CDKL5: variants seen among roughly 807,000 people sequenced by gnomAD.
The protein encoded by CDKL5 is cyclin dependent kinase like 5.
CDKL5 carries 8 observed loss-of-function variants against 61.7 expected under a neutral mutation model. That is an observed-to-expected ratio of 0.13 (90% CI 0.08 to 0.23). CDKL5 has a LOEUF of 0.23. Ranked by LOEUF, CDKL5 falls within the 10% of genes least tolerant of loss-of-function variation. The pLI, the probability that CDKL5 is intolerant of heterozygous loss-of-function variation, is 1.00. For synonymous variants in CDKL5, 275 were observed against 272.3 expected, an observed-to-expected ratio of 1.01 and a Z score of -0.10; for missense variants, 440 against 734.5, an observed-to-expected ratio of 0.60 and a Z score of 4.63.
At chrX:18,444,962 C>T (rs1247970632) in intron 1 of CDKL5, among the ~76,000 whole-genome samples, 2 of 111,098 alleles carry the variant, frequency 1.8e-5, no homozygotes, top group Non-Finnish European at 3.8e-5. Context: ...TTCACTGCGT[C>T]TAGAGAGGTT....
At chrX:18,459,502 C>T (rs1283679173) in intron 1 of CDKL5, among the ~76,000 whole-genome samples, 1 of 108,459 alleles carries the variant, frequency 9.2e-6, no homozygotes, top group Non-Finnish European at 1.9e-5. Context: ...GTGGAGGTTG[C>T]AGTGAGCCAA....
At chrX:18,570,215 C>T (rs751292869) in intron 4 of CDKL5, among the ~76,000 whole-genome samples, 20 of 111,361 alleles carry the variant, frequency 1.8e-4, no homozygotes, top group Admixed American at 1.3e-3. Flanking sequence ...AAAGTCCAAC[C>T]CTTGATTAAA....
chrX:18,504,402 GGGCACA>G (rs1922497676), intron 1 of CDKL5, among the ~76,000 whole-genome samples: 2 of 112,043 alleles, frequency 1.8e-5, no homozygotes, highest in South Asian at 7.4e-4. Flanking sequence ...CATGGTGCCT[GGGCACA>G]TGTTCTTAAG....
chrX:18,441,271 CT>C (rs1931735424), intron 1 of CDKL5, among the ~76,000 whole-genome samples: 1 of 110,816 alleles, frequency 9.0e-6, no homozygotes, highest in Non-Finnish European at 1.9e-5. Context: ...CAAAAATTAG[CT>C]GGGTGTGGTG....
At chrX:18,528,334 T>C (rs1923522218) in intron 3 of CDKL5, among the ~76,000 whole-genome samples, 1 of 108,201 alleles carries the variant, frequency 9.2e-6, no homozygotes, top group Non-Finnish European at 1.9e-5. Context: ...TCTATTTCTG[T>C]TTGCAGTTAT....
At chrX:18,528,077 T>G (rs1368189096) in intron 3 of CDKL5, among the ~76,000 whole-genome samples, 2 of 111,145 alleles carry the variant, frequency 1.8e-5, no homozygotes, top group Non-Finnish European at 3.8e-5. Flanking sequence ...AGCTACAAAT[T>G]TATTAAGGTA....
intron 3 of CDKL5, among the ~76,000 whole-genome samples, chrX:18,524,056 A>G (rs1446745420): frequency 8.9e-6 from 1 of 111,942 alleles, no homozygotes; most frequent in African/African-American, 3.3e-5. Flanking sequence ...TCCATTTACA[A>G]TTTGGACACC....
chrX:18,615,605 ATGGGGTCTCACTATGCTGCTCAGGC>A (rs1926691339), intron 15 of CDKL5, among the ~76,000 whole-genome samples: 2 of 111,370 alleles, frequency 1.8e-5, no homozygotes, highest in Middle Eastern at 4.6e-3. Context: ...TTTTGTAAAC[ATGGGGTCTCACTATGCTGCTCAGGC>A]TGGACTCCAG....
At chrX:18,618,339 G>A (rs149393256) in intron 15 of CDKL5, among the ~76,000 whole-genome samples, 1,308 of 111,645 alleles carry the variant, frequency 0.012, 20 homozygotes, top group African/African-American at 0.038. Flanking sequence ...TTTCATAAAC[G>A]TATAATTCTT....
intron 8 of CDKL5, among the ~76,000 whole-genome samples, chrX:18,587,112 C>A (rs1357767739): frequency 9.0e-6 from 1 of 111,476 alleles, no homozygotes; most frequent in African/African-American, 3.3e-5. Flanking sequence ...TTTTGGCTTT[C>A]CCTTCTTAAA....
At position 18,637,514 on chromosome X, in the gene CDKL5, A is replaced by G. The variant is rs1260958499; in HGVS notation, c.*8757A>G. On this transcript the variant is annotated 3_prime_UTR_variant, in exon 18 of 18. Transcript: ENST00000623535. ...AAGGCAGAGGTTGCAGTGAGCCAAG[A>G]TCGCACCACTGCACTCCCACCTGGA... 1 of 111,038 alleles carries G rather than the reference A, an allele frequency of 9.0e-6. No individual in the cohort carries two copies. Among genetic ancestry groups the G allele is most frequent in the East Asian group, 2.8e-4 (1 of 3,550 alleles). The allele number at this position is 111,038 out of a possible 1,213,427, so 9.2% of individuals were successfully genotyped here.
intron 2 of CDKL5, among the ~76,000 whole-genome samples, chrX:18,510,460 CTTAAGTT>C (rs771587059): frequency 1.6e-4 from 18 of 112,406 alleles, no homozygotes; most frequent in Admixed American, 1.2e-3. Flanking sequence ...TGGCCTAGCT[CTTAAGTT>C]TTAAGTTCCA....
chrX:18,537,669 C>A (rs1484431902), intron 3 of CDKL5, among the ~76,000 whole-genome samples: 1 of 111,998 alleles, frequency 8.9e-6, no homozygotes. Flanking sequence ...TTGCCTTCCC[C>A]TCTTTCTAAC....
At chrX:18,507,639 T>G (rs1922634441) in intron 2 of CDKL5, among the ~76,000 whole-genome samples, 1 of 110,536 alleles carries the variant, frequency 9.0e-6, no homozygotes, top group South Asian at 3.8e-4. Context: ...TGGCATGATC[T>G]CGGCTCACTG....
intron 1 of CDKL5, among the ~76,000 whole-genome samples, chrX:18,458,020 A>G (rs1469218807): frequency 1.0e-5 from 1 of 99,937 alleles, no homozygotes; most frequent in Non-Finnish European, 2.0e-5. Context: ...TCCTGGGTTC[A>G]AGAGATTCTC....
chrX:18,431,423 C>CTTTT (rs1177063856), intron 1 of CDKL5, among the ~76,000 whole-genome samples: 1 of 95,530 alleles, frequency 1.0e-5, no homozygotes, highest in South Asian at 4.7e-4. Context: ...GATTTCTTTT[C>CTTTT]TTTTTTTTTT....
intron 11 of CDKL5, among the ~76,000 whole-genome samples, chrX:18,599,529 C>G (rs1249276297): frequency 1.8e-5 from 2 of 112,412 alleles, no homozygotes; most frequent in Non-Finnish European, 3.8e-5. Flanking sequence ...TTATAACTCA[C>G]TGCAGCCTTG....
Position 18,631,934 on chromosome X carries a change from T to C in CDKL5, c.*3177T>C, listed in dbSNP as rs1381722857. The C allele has an allele frequency of 2.9e-6, 2 of 700,089 alleles. No individual in the cohort carries two copies. Among genetic ancestry groups the C allele is most frequent in the Admixed American group, 8.8e-5 (1 of 11,356 alleles). The allele number at this position is 700,089 out of a possible 1,213,427, so 57.7% of individuals were successfully genotyped here. ...ACCCCCAAGGGTACATTTGGCAATG[T>C]CTGGGGACATTTGGTTGTCATAGCT... On this transcript the variant is annotated 3_prime_UTR_variant, in exon 18 of 18. Coordinates refer to ENST00000623535, the MANE Select transcript of CDKL5 (RefSeq NM_001323289.2).
At chrX:18,436,208 C>T (rs771355296) in intron 1 of CDKL5, among the ~76,000 whole-genome samples, 6 of 111,103 alleles carry the variant, frequency 5.4e-5, no homozygotes, top group East Asian at 2.8e-4. Context: ...ATGTGCTCAT[C>T]GTCTTCACAT....
Sources: gnomAD v4.1 joint callset for allele counts (sites outside exome capture counted in the v4.1 genomes callset) on GRCh38, gnomAD v4.1.1 for gene constraint, MANE v1.5 for transcripts, NCBI Gene and HGNC (gene_info 2026-07-23, HGNC 2026-07-21) for gene names.